GAB2: variants seen among roughly 807,000 people sequenced by gnomAD.
GAB2 encodes the protein GRB2 associated binding protein 2, also known as GRB2-associated-binding protein 2.
GAB2 carries 26 observed loss-of-function variants against 65.5 expected under a neutral mutation model. The observed-to-expected ratio is 0.40, with a 90% CI of 0.29 to 0.55. The LOEUF is 0.55. GAB2 is among the 20% of genes least tolerant of loss of function. The pLI, the probability that GAB2 is intolerant of heterozygous loss-of-function variation, is 0.53. For synonymous variants in GAB2, 321 were observed against 329.6 expected, an observed-to-expected ratio of 0.97 and a Z score of 0.28; for missense variants, 884 against 875.8, an observed-to-expected ratio of 1.01 and a Z score of -0.12.
intron 3 of GAB2, among the ~76,000 whole-genome samples, chr11:78,234,042 C>A (rs527751130): frequency 6.6e-4 from 100 of 152,226 alleles, no homozygotes; most frequent in African/African-American, 2.4e-3. Flanking sequence ...TCTTTGCTTA[C>A]CTCAAGATCA....
At chr11:78,330,022 G>C (rs531954198) in intron 1 of GAB2, among the ~76,000 whole-genome samples, 23 of 152,294 alleles carry the variant, frequency 1.5e-4, no homozygotes, top group Admixed American at 1.2e-3. Flanking sequence ...GGCAAAAAAG[G>C]ATATAGACGT....
At chr11:78,259,982 ATTTGT>A (rs946027560) in intron 2 of GAB2, among the ~76,000 whole-genome samples, 3 of 152,200 alleles carry the variant, frequency 2.0e-5, no homozygotes, top group African/African-American at 7.2e-5. Context: ...CAGATCTGTT[ATTTGT>A]TTTGAGTTTA....
chr11:78,329,184 A>T (rs926255149), intron 1 of GAB2, among the ~76,000 whole-genome samples: 1 of 152,120 alleles, frequency 6.6e-6, no homozygotes, highest in Non-Finnish European at 1.5e-5. Context: ...TATGTTTGAA[A>T]TTTTTCATTT....
intron 1 of GAB2, among the ~76,000 whole-genome samples, chr11:78,372,458 T>TA (rs1317460332): frequency 6.6e-6 from 1 of 152,224 alleles, no homozygotes; most frequent in Admixed American, 6.5e-5. Context: ...AAGGTTGGTA[T>TA]TATTCCCTAG....
intron 2 of GAB2, among the ~76,000 whole-genome samples, chr11:78,265,472 T>C (rs1865852309): frequency 6.6e-6 from 1 of 152,146 alleles, no homozygotes; most frequent in Non-Finnish European, 1.5e-5. Flanking sequence ...TTCTATGAAA[T>C]CTATTCCCTT....
chr11:78,245,238 C>T (rs1405927261), intron 3 of GAB2, among the ~76,000 whole-genome samples: 1 of 151,942 alleles, frequency 6.6e-6, no homozygotes, highest in African/African-American at 2.4e-5. Flanking sequence ...GATTATATAA[C>T]AATATGAATG....
At chr11:78,277,547 G>A (rs973980795) in intron 2 of GAB2, among the ~76,000 whole-genome samples, 1 of 152,222 alleles carries the variant, frequency 6.6e-6, no homozygotes, top group African/African-American at 2.4e-5. Context: ...TCTCAAGCAC[G>A]CACACTATGA....
At chr11:78,307,062 G>A (rs1406358270) in intron 1 of GAB2, among the ~76,000 whole-genome samples, 1 of 152,154 alleles carries the variant, frequency 6.6e-6, no homozygotes, top group Non-Finnish European at 1.5e-5. Flanking sequence ...ATTTATGTAG[G>A]AGACAGTATT....
At position 78,350,384 on chromosome 11, in the gene GAB2, G is replaced by A. The variant is rs541212724; in HGVS notation, c.75+67262C>T. On this transcript the variant is annotated intron_variant, in intron 1 of 9. Coordinates refer to ENST00000361507, the MANE Select transcript of GAB2 (RefSeq NM_080491.3). Reference sequence around the variant, plus strand: ...TCTCCCTCAGAACCTCCAAAGACTGGAGTGATCAGGTTTTTCAACTTTTAA... The same window carrying A: ...TCTCCCTCAGAACCTCCAAAGACTGAAGTGATCAGGTTTTTCAACTTTTAA... 5.3e-5 allele frequency among the ~76,000 whole-genome samples: 8 copies of A among 152,292 alleles called. No individual in the cohort carries two copies. In the South Asian group the frequency reaches 1.5e-3, roughly 28 times the overall value.
At chr11:78,326,271 C>T (rs1855821371) in intron 1 of GAB2, among the ~76,000 whole-genome samples, 1 of 152,134 alleles carries the variant, frequency 6.6e-6, no homozygotes, top group Non-Finnish European at 1.5e-5. Flanking sequence ...ACATAAGTGT[C>T]TCATTTAAAA....
intron 1 of GAB2, among the ~76,000 whole-genome samples, chr11:78,360,163 G>A (rs1856414929): frequency 6.6e-6 from 1 of 152,086 alleles, no homozygotes; most frequent in African/African-American, 2.4e-5. Context: ...AGTGCTTTCA[G>A]AAGGAACACA....
intron 9 of GAB2, among the ~76,000 whole-genome samples, chr11:78,219,974 C>T (rs1864338441): frequency 6.6e-6 from 1 of 152,098 alleles, no homozygotes. Context: ...ACTCGAGAGC[C>T]CAGGACCAGG....
At position 78,417,667 on chromosome 11, in the gene GAB2, G is replaced by C; in HGVS notation, c.54C>G (p.Pro18=). The change falls in exon 1 of 10, where the codon CCC becomes CCG. Residue 18 remains proline, a synonymous_variant. Coordinates refer to ENST00000361507, the MANE Select transcript of GAB2 (RefSeq NM_080491.3). ...VCTGWLRKSP[P]EKKLRRYAWK... ...TCACATAGCGCCTCAACTTCTTCTCGGGAGGCGATTTCCTCAGCCAGCCGG... is the reference window on the plus strand; with the variant it reads ...TCACATAGCGCCTCAACTTCTTCTCCGGAGGCGATTTCCTCAGCCAGCCGG... 2.2e-6 allele frequency: 3 copies of C among 1,389,652 alleles called. No individual in the cohort carries two copies. Among genetic ancestry groups the C allele is most frequent in the Non-Finnish European group, 2.9e-6 (3 of 1,048,714 alleles). 86.1% of individuals were successfully genotyped at this position (1,389,652 alleles called of 1,614,324 possible). A position where few individuals can be genotyped will look rare whatever the true frequency, so the allele number is the denominator to read the frequency against.
chr11:78,390,321 C>G (rs1856819023), intron 1 of GAB2, among the ~76,000 whole-genome samples: 1 of 152,254 alleles, frequency 6.6e-6, no homozygotes, highest in Middle Eastern at 3.4e-3. Flanking sequence ...CTTAAACAGT[C>G]TCATAAAAAG....
At chr11:78,339,066 G>A (rs11237457) in intron 1 of GAB2, among the ~76,000 whole-genome samples, 2,630 of 152,104 alleles carry the variant, frequency 0.017, 87 homozygotes, top group African/African-American at 0.062. Flanking sequence ...GGGATTATAG[G>A]CATGTGTCAC....
intron 2 of GAB2, among the ~76,000 whole-genome samples, chr11:78,256,548 C>T (rs546653393): frequency 6.6e-6 from 1 of 152,192 alleles, no homozygotes; most frequent in Admixed American, 6.5e-5. Context: ...GAGTGAACCT[C>T]ATGCACGGGA....
chr11:78,377,654 C>T (rs1054793849), intron 1 of GAB2, among the ~76,000 whole-genome samples: 6 of 152,132 alleles, frequency 3.9e-5, no homozygotes, highest in Non-Finnish European at 5.9e-5. Flanking sequence ...TGGTCCTGGG[C>T]TAGTTTCTTA....
chr11:78,321,096 T>A (rs916870031), intron 1 of GAB2, among the ~76,000 whole-genome samples: 11 of 152,154 alleles, frequency 7.2e-5, no homozygotes, highest in Non-Finnish European at 1.3e-4. Flanking sequence ...GCCAAGGATT[T>A]GGTCTGAAAA....
chr11:78,295,999 G>A (rs1444549110), intron 1 of GAB2, among the ~76,000 whole-genome samples: 1 of 152,184 alleles, frequency 6.6e-6, no homozygotes, highest in Non-Finnish European at 1.5e-5. Flanking sequence ...AAAGGGGTAG[G>A]GACGGTTTTG....
Sources: allele counts gnomAD v4.1 joint callset (sites outside exome capture counted in the v4.1 genomes callset), GRCh38; gene constraint gnomAD v4.1.1; transcripts MANE v1.5; gene names NCBI Gene and HGNC (gene_info 2026-07-23, HGNC 2026-07-21).